Variants in CEP63 observed in about 807,000 individuals in gnomAD.
The protein encoded by CEP63 is centrosomal protein 63, also known as centrosomal protein of 63 kDa.
In CEP63, 84 loss-of-function variants were observed where a neutral mutation model predicts 89.1. The ratio of observed to expected loss-of-function variants is 0.94; its 90% CI spans 0.79 to 1.13. CEP63 has a LOEUF of 1.13. Among genes scored for constraint, CEP63 ranks in the 50% most tolerant of loss-of-function variants. The pLI, the probability that CEP63 is intolerant of heterozygous loss-of-function variation, is 0.00. For missense variants in CEP63, 838 were observed against 813.3 expected, an observed-to-expected ratio of 1.03 and a Z score of -0.37; for synonymous variants, 267 against 272.5, an observed-to-expected ratio of 0.98 and a Z score of 0.20.
chr3:134,527,748 C>T (rs1187761850), intron 3 of CEP63, among the ~76,000 whole-genome samples: 1 of 152,170 alleles, frequency 6.6e-6, no homozygotes, highest in Non-Finnish European at 1.5e-5. Context: ...ATGCAGTCCC[C>T]CAGGCCACCC....
At chr3:134,673,072 A>G in the CEP63 span, among the ~76,000 whole-genome samples, 2 of 152,180 alleles carry the variant, frequency 1.3e-5, no homozygotes, top group Non-Finnish European at 2.9e-5. Context: ...TCCAGGATTC[A>G]ACTGCCCTGA....
chr3:134,649,914 G>A, the CEP63 span, among the ~76,000 whole-genome samples: 40 of 152,328 alleles, frequency 2.6e-4, 3 homozygotes, highest in South Asian at 8.1e-3. Flanking sequence ...GAGAGAGGCA[G>A]AAGTCATTCT....
chr3:134,554,183 C>A (rs889341745), intron 12 of CEP63, among the ~76,000 whole-genome samples: 1 of 151,800 alleles, frequency 6.6e-6, no homozygotes, highest in Non-Finnish European at 1.5e-5. Flanking sequence ...ACTGCACCCA[C>A]TAACTCGTTA....
chr3:134,730,505 GA>G, the CEP63 span, among the ~76,000 whole-genome samples: 1 of 151,582 alleles, frequency 6.6e-6, no homozygotes, highest in African/African-American at 2.4e-5. Flanking sequence ...TTCATTGTAA[GA>G]AAAAAAGATA....
chr3:134,714,209 C>A, the CEP63 span, among the ~76,000 whole-genome samples: 1 of 152,174 alleles, frequency 6.6e-6, no homozygotes, highest in South Asian at 2.1e-4. Flanking sequence ...CAGGTAATAT[C>A]AATACTGCTG....
At chr3:134,769,396 C>T in the CEP63 span, among the ~76,000 whole-genome samples, 1 of 152,314 alleles carries the variant, frequency 6.6e-6, no homozygotes, top group East Asian at 1.9e-4. Context: ...AATTCTAGCA[C>T]AGTGAGTCTC....
chr3:134,541,914 G>A (rs1952114472), intron 6 of CEP63, among the ~76,000 whole-genome samples: 1 of 152,122 alleles, frequency 6.6e-6, no homozygotes, highest in East Asian at 1.9e-4. Flanking sequence ...AATGCTAGAT[G>A]TAACAAAAGA....
At chr3:134,631,469 T>C in the CEP63 span, among the ~76,000 whole-genome samples, 44 of 152,232 alleles carry the variant, frequency 2.9e-4, no homozygotes, top group African/African-American at 1.1e-3. Context: ...TAGATAAATA[T>C]ATTAGTCTGC....
the CEP63 span, among the ~76,000 whole-genome samples, chr3:134,724,128 G>A: frequency 5.9e-5 from 9 of 152,254 alleles, no homozygotes; most frequent in Non-Finnish European, 1.2e-4. Flanking sequence ...TCAAATTCAC[G>A]CCCCTCACTC....
chr3:134,646,102 G>A, the CEP63 span, among the ~76,000 whole-genome samples: 4 of 152,182 alleles, frequency 2.6e-5, no homozygotes, highest in Non-Finnish European at 4.4e-5. Context: ...GGCTTAGCAT[G>A]CATACCTTCC....
chr3:134,708,307 C>T, the CEP63 span, among the ~76,000 whole-genome samples: 1 of 152,206 alleles, frequency 6.6e-6, no homozygotes, highest in East Asian at 1.9e-4. Context: ...TTTTCAACAA[C>T]AATAATGCTT....
chr3:134,529,505 T>C (rs374920011), intron 3 of CEP63, among the ~76,000 whole-genome samples: 52 of 152,092 alleles, frequency 3.4e-4, no homozygotes, highest in African/African-American at 1.2e-3. Context: ...CAGGTCTAAC[T>C]AATTTTTGTA....
chr3:134,761,089 C>T, the CEP63 span, among the ~76,000 whole-genome samples: 1 of 152,028 alleles, frequency 6.6e-6, no homozygotes, highest in Admixed American at 6.5e-5. Flanking sequence ...AAAACCACTT[C>T]AGCTTTGTAT....
At chr3:134,675,696 T>G in the CEP63 span, among the ~76,000 whole-genome samples, 69,022 of 151,984 alleles carry the variant, frequency 0.45, 16,411 homozygotes, top group East Asian at 0.71. Flanking sequence ...TAAAAGACAA[T>G]CTGATTAAAT....
At chr3:134,486,428 C>T in intron 1 of CEP63, 2 of 985,504 alleles carry the variant, frequency 2.0e-6, no homozygotes, top group Non-Finnish European at 2.4e-6. Context: ...AGTCCCTCGG[C>T]CTGGCCCGCT....
downstream of CEP63, among the ~76,000 whole-genome samples, chr3:134,569,573 C>T (rs1328160155): frequency 1.3e-5 from 2 of 152,238 alleles, no homozygotes; most frequent in African/African-American, 2.4e-5. Flanking sequence ...TGGTCTTGCA[C>T]AGCTCCACTC....
chr3:134,581,839 C>G (rs1560079497), intron 10 of CEP63, among the ~76,000 whole-genome samples: 1 of 150,494 alleles, frequency 6.6e-6, no homozygotes, highest in African/African-American at 2.4e-5. Flanking sequence ...CCACGCCCGG[C>G]TAATTTGTTG....
chr3:134,658,775 T>A, the CEP63 span, among the ~76,000 whole-genome samples: 1 of 152,154 alleles, frequency 6.6e-6, no homozygotes, highest in Non-Finnish European at 1.5e-5. Flanking sequence ...GAGCATGAAT[T>A]TGGGGAGAGC....
chr3:134,582,729 T>C (rs1156970820), intron 10 of CEP63, among the ~76,000 whole-genome samples: 2 of 152,192 alleles, frequency 1.3e-5, no homozygotes, highest in Non-Finnish European at 2.9e-5. Flanking sequence ...GTATTTCTAG[T>C]TCTAGACCCT....
Sources: allele counts gnomAD v4.1 joint callset (sites outside exome capture counted in the v4.1 genomes callset), GRCh38; gene constraint gnomAD v4.1.1; transcripts MANE v1.5; gene names NCBI Gene and HGNC (gene_info 2026-07-23, HGNC 2026-07-21).